The following FOXN3 variants were observed in gnomAD, a reference collection of about 807,000 sequenced individuals.
FOXN3 encodes forkhead box N3, also known as forkhead box protein N3.
A neutral mutation model predicts 38.4 loss-of-function variants in FOXN3; 7 were observed. That is an observed-to-expected ratio of 0.18 (90% CI 0.10 to 0.34). The LOEUF (loss-of-function observed/expected upper bound fraction) is 0.34. FOXN3 is among the 10% of genes least tolerant of loss of function. The probability of loss-of-function intolerance (pLI) is 1.00; values close to 1 mark genes in which losing one functional copy is unlikely to be tolerated. For synonymous variants in FOXN3, 230 were observed against 242.2 expected (o/e 0.95, Z 0.47); for missense variants, 456 against 613.4 (o/e 0.74, Z 2.71).
intron 2 of FOXN3, among the ~76,000 whole-genome samples, chr14:89,357,034 G>C (rs1332520486): frequency 6.6e-6 from 1 of 152,090 alleles, no homozygotes; most frequent in East Asian, 1.9e-4. Context: ...GCAGCAATGA[G>C]ACGGAGAAAG....
intron 3 of FOXN3, among the ~76,000 whole-genome samples, chr14:89,298,051 C>G (rs1396883626): frequency 2.0e-5 from 3 of 152,042 alleles, no homozygotes; most frequent in Non-Finnish European, 1.5e-5. Flanking sequence ...TAGAAGCAAC[C>G]TAACTGTCCC....
chr14:89,328,759 G>T (rs1888151920), intron 3 of FOXN3, among the ~76,000 whole-genome samples: 1 of 152,234 alleles, frequency 6.6e-6, no homozygotes. Context: ...CTCCAGAACA[G>T]GTAATTACAT....
intron 1 of FOXN3, among the ~76,000 whole-genome samples, chr14:89,463,432 C>A (rs1385400080): frequency 6.6e-6 from 1 of 152,192 alleles, no homozygotes; most frequent in African/African-American, 2.4e-5. Flanking sequence ...ATTTGGAGGA[C>A]ACTTTCAAAC....
In FOXN3 at chr14:89,440,400, CCT is replaced by C. The variant is rs566095129; in HGVS notation, c.-14-27912_-14-27911del. Among the ~76,000 whole-genome samples, 863 of 152,274 alleles carry C rather than the reference CCT, an allele frequency of 5.7e-3. 3 individuals carry two copies. Among genetic ancestry groups the C allele is most frequent in the Non-Finnish European group, 9.3e-3 (631 of 68,022 alleles). ...GAGCCCAAGCCAAGCCATCGCATCC[CCT>C]GTGACTTGCACGTATAGGCCCAGAT... On this transcript the variant is annotated intron_variant, in intron 1 of 6. Coordinates refer to the FOXN3 transcript ENST00000345097.
intron 4 of FOXN3, among the ~76,000 whole-genome samples, chr14:89,186,137 C>A (rs912622641): frequency 1.3e-5 from 2 of 152,192 alleles, no homozygotes; most frequent in African/African-American, 4.8e-5. Context: ...TAATCCTTCC[C>A]TTTCCTAAAG....
chr14:89,383,037 T>G (rs1354780402), intron 2 of FOXN3, among the ~76,000 whole-genome samples: 3 of 148,966 alleles, frequency 2.0e-5, no homozygotes, highest in African/African-American at 7.4e-5. Flanking sequence ...GTGTTTTTTT[T>G]TTTTTTTTTT....
chr14:89,433,193 T>C (rs1315203835), intron 1 of FOXN3, among the ~76,000 whole-genome samples: 2 of 151,590 alleles, frequency 1.3e-5, no homozygotes, highest in African/African-American at 4.8e-5. Context: ...CTACTAAAAA[T>C]ACAAAAATTG....
intron 4 of FOXN3, among the ~76,000 whole-genome samples, chr14:89,233,317 G>C (rs1295304826): frequency 1.3e-5 from 2 of 152,034 alleles, no homozygotes; most frequent in Non-Finnish European, 2.9e-5. Flanking sequence ...AGGAAAGTCA[G>C]AAAAAGGCAA....
chr14:89,288,669 T>TCG (rs1886724970), intron 3 of FOXN3, among the ~76,000 whole-genome samples: 2 of 50,698 alleles, frequency 3.9e-5, no homozygotes, highest in Admixed American at 2.7e-4. Context: ...AGGCACTCTC[T>TCG]TTCTCTCTCT....
intron 2 of FOXN3, among the ~76,000 whole-genome samples, chr14:89,369,078 G>C (rs1450213510): frequency 6.6e-6 from 1 of 152,152 alleles, no homozygotes; most frequent in African/African-American, 2.4e-5. Context: ...AATCTTCCTG[G>C]GGGAGGGGAG....
intron 2 of FOXN3, among the ~76,000 whole-genome samples, chr14:89,374,678 G>A (rs1417950015): frequency 2.0e-5 from 3 of 151,978 alleles, no homozygotes; most frequent in Non-Finnish European, 4.4e-5. Flanking sequence ...AGACATAAAA[G>A]TATACTATTC....
At chr14:89,183,266 G>A (rs1887719155) in intron 4 of FOXN3, among the ~76,000 whole-genome samples, 1 of 152,156 alleles carries the variant, frequency 6.6e-6, no homozygotes, top group African/African-American at 2.4e-5. Context: ...GGGATCTCAG[G>A]TAGAGCAACA....
chr14:89,602,496 T>C (rs1216304702), intron 1 of FOXN3, among the ~76,000 whole-genome samples: 2 of 151,872 alleles, frequency 1.3e-5, no homozygotes, highest in African/African-American at 4.8e-5. Context: ...TTTTTTTCTT[T>C]TTTTTCTTTT....
At chr14:89,435,822 A>G (rs993299722) in intron 1 of FOXN3, among the ~76,000 whole-genome samples, 8 of 152,140 alleles carry the variant, frequency 5.3e-5, no homozygotes, top group African/African-American at 1.9e-4. Context: ...CCAGCCTTAC[A>G]GCAAAGCCTC....
At chr14:89,473,732 G>A (rs1893156081) in intron 1 of FOXN3, among the ~76,000 whole-genome samples, 1 of 152,132 alleles carries the variant, frequency 6.6e-6, no homozygotes, top group Non-Finnish European at 1.5e-5. Context: ...CTGGCCAAAT[G>A]AGAATTATTT....
intron 5 of FOXN3, among the ~76,000 whole-genome samples, chr14:89,177,831 C>T (rs185327103): frequency 1.4e-4 from 21 of 152,136 alleles, no homozygotes; most frequent in South Asian, 2.1e-4. Context: ...CTGCCCCCCA[C>T]GCAAAGGTGA....
chr14:89,481,324 AG>A (rs1295221612), intron 1 of FOXN3, among the ~76,000 whole-genome samples: 1 of 152,160 alleles, frequency 6.6e-6, no homozygotes, highest in Non-Finnish European at 1.5e-5. Context: ...GAGTGGTGGC[AG>A]GGGACCGGAC....
At chr14:89,540,309 G>A (rs1894768856) in intron 1 of FOXN3, among the ~76,000 whole-genome samples, 1 of 152,190 alleles carries the variant, frequency 6.6e-6, no homozygotes, top group African/African-American at 2.4e-5. Context: ...GTAAACCAAT[G>A]TTTACCACTG....
chr14:89,363,978 A>ATATATATATATATAT (rs1890037122), intron 2 of FOXN3, among the ~76,000 whole-genome samples: 1 of 87,012 alleles, frequency 1.1e-5, no homozygotes, highest in African/African-American at 5.2e-5. Flanking sequence ...ATATATATAT[A>ATATATATATATATAT]TATATATATA....
Sources: gnomAD v4.1 joint callset for allele counts (sites outside exome capture counted in the v4.1 genomes callset) on GRCh38, gnomAD v4.1.1 for gene constraint, MANE v1.5 for transcripts, NCBI Gene and HGNC (gene_info 2026-07-23, HGNC 2026-07-21) for gene names.